The following GATAD2A variants were observed in gnomAD, a reference collection of about 807,000 sequenced individuals.
GATAD2A encodes transcriptional repressor p66-alpha.
A neutral mutation model predicts 68.5 loss-of-function variants in GATAD2A; 12 were observed. That is an observed-to-expected ratio of 0.18 (90% confidence interval 0.11 to 0.28). The LOEUF (loss-of-function observed/expected upper bound fraction) is 0.28. Among genes scored for constraint, GATAD2A ranks in the 10% least tolerant of loss-of-function variants. The pLI, the probability that GATAD2A is intolerant of heterozygous loss-of-function variation, is 1.00. For synonymous variants in GATAD2A, 410 were observed against 375.3 expected, an observed-to-expected ratio of 1.09 and a Z score of -1.07; for missense variants, 755 against 868.5, an observed-to-expected ratio of 0.87 and a Z score of 1.64.
At chr19:19,464,941 A>C (rs527307785) in intron 1 of GATAD2A, 3 of 290,040 alleles carry the variant, frequency 1.0e-5, no homozygotes, top group Non-Finnish European at 1.3e-5. Flanking sequence ...GATTCCAGAC[A>C]TTGCAGGTGC....
At chr19:19,420,619 T>G (rs952576554) in intron 1 of GATAD2A, among the ~76,000 whole-genome samples, 4 of 151,566 alleles carry the variant, frequency 2.6e-5, no homozygotes, top group African/African-American at 9.7e-5. Flanking sequence ...GGATTACAGG[T>G]GTGAGCCACC....
chr19:19,441,663 G>T, intron 1 of GATAD2A: 1 of 180,436 alleles, frequency 5.5e-6, no homozygotes, highest in Non-Finnish European at 1.2e-5. Context: ...CCAGGTTCAT[G>T]CCATTCTCCT....
intron 1 of GATAD2A, among the ~76,000 whole-genome samples, chr19:19,413,979 T>C (rs1432701564): frequency 6.6e-6 from 1 of 152,158 alleles, no homozygotes; most frequent in Non-Finnish European, 1.5e-5. Flanking sequence ...CCCCAAACTT[T>C]TGGTCAAGTT....
intron 1 of GATAD2A, chr19:19,440,489 A>G: frequency 4.2e-6 from 1 of 238,198 alleles, no homozygotes; most frequent in Non-Finnish European, 8.6e-6. Context: ...CGATCTCCTC[A>G]CCTCGTGGTC....
intron 1 of GATAD2A, among the ~76,000 whole-genome samples, chr19:19,398,476 C>T (rs1019264089): frequency 6.6e-6 from 1 of 151,478 alleles, no homozygotes; most frequent in African/African-American, 2.4e-5. Flanking sequence ...GCTGGGATTA[C>T]AGGCGTGAGC....
chr19:19,466,483 C>T (rs1202669257), intron 2 of GATAD2A, among the ~76,000 whole-genome samples: 3 of 152,232 alleles, frequency 2.0e-5, no homozygotes, highest in African/African-American at 7.2e-5. Context: ...GGGCCTGTCT[C>T]TCCACGCCTG....
chr19:19,466,974 G>C (rs1323343900), intron 2 of GATAD2A, among the ~76,000 whole-genome samples: 1 of 152,174 alleles, frequency 6.6e-6, no homozygotes, highest in East Asian at 1.9e-4. Context: ...ATGTGCATGG[G>C]GTCCCTTGTG....
rs397859927 is a variant in GATAD2A at position 19,420,005 on chromosome 19, C to CTTTTTTTTT, written c.-7+14001_-7+14009dup. The stretch of plus-strand genomic sequence containing the variant: ...GTGTGACCTTGGGCAACCATCTTGA[C>CTTTTTTTTT]TTTTTTTTTTTTTTTTTTTTTTTGA... On this transcript the variant is annotated intron_variant, in intron 1 of 11. Coordinates refer to ENST00000683918, the MANE Select transcript of GATAD2A (RefSeq NM_001384528.1). Among the ~76,000 whole-genome samples, 10 of 68,712 alleles carry CTTTTTTTTT rather than the reference C, an allele frequency of 1.5e-4. 2 individuals are homozygous for CTTTTTTTTT. Among genetic ancestry groups the CTTTTTTTTT allele is most frequent in the African/African-American group, 6.5e-4 (9 of 13,762 alleles). The allele number at this position is 68,712 out of a possible 152,430, so 45.1% of individuals were successfully genotyped here. A position where few individuals can be genotyped will look rare whatever the true frequency, so the allele number is the denominator to read the frequency against.
chr19:19,462,448 G>A (rs931371502), intron 1 of GATAD2A, among the ~76,000 whole-genome samples: 2 of 152,246 alleles, frequency 1.3e-5, no homozygotes, highest in African/African-American at 2.4e-5. Flanking sequence ...GAGGGGTGCC[G>A]CAGGGCCCCG....
chr19:19,478,160 G>A lies in GATAD2A; in HGVS notation c.269+12546G>A, dbSNP rs2058801631. ...GATACATCAGCAGGACAGGACCCAG[G>A]ATCCCAGCCTCTGTACTACTGTCGA... On this transcript the variant is annotated intron_variant, in intron 2 of 11. Transcript: ENST00000683918. Among the ~76,000 whole-genome samples, 4 of 152,312 alleles carry A rather than the reference G, an allele frequency of 2.6e-5. No individual in the cohort carries two copies. In the South Asian group the frequency reaches 8.3e-4, roughly 32 times the overall value.
chr19:19,473,182 C>T (rs985238392), intron 2 of GATAD2A, among the ~76,000 whole-genome samples: 1 of 152,164 alleles, frequency 6.6e-6, no homozygotes, highest in African/African-American at 2.4e-5. Context: ...CTCTTCCCCA[C>T]CTCCCCTTGT....
chr19:19,430,732 A>G (rs960872214), intron 1 of GATAD2A, among the ~76,000 whole-genome samples: 4 of 151,994 alleles, frequency 2.6e-5, no homozygotes, highest in African/African-American at 4.8e-5. Context: ...GGGTGCCGCA[A>G]CCCCAGCAAC....
In GATAD2A at chr19:19,480,115, A is replaced by G. The variant is rs577028107; in HGVS notation, c.270-12191A>G. 1.1e-4 allele frequency among the ~76,000 whole-genome samples: 16 copies of G among 151,932 alleles called. No individual in the cohort carries two copies. In the South Asian group the frequency reaches 2.5e-3, roughly 24 times the overall value. ...GCCACCGTGCCTGGCGACACAGCCT[A>G]CTCTTGAGGAATGGGGACTCATGCT... is the stretch of plus-strand genomic sequence containing the variant. On this transcript the variant is annotated intron_variant, in intron 2 of 11. Transcript: ENST00000683918.
intron 1 of GATAD2A, among the ~76,000 whole-genome samples, chr19:19,462,521 C>T (rs1028528444): frequency 2.0e-5 from 3 of 152,212 alleles, no homozygotes; most frequent in Admixed American, 6.5e-5. Context: ...TGAGGCCAGC[C>T]GTCAGTGCCG....
chr19:19,412,533 G>C (rs2051089479), intron 1 of GATAD2A, among the ~76,000 whole-genome samples: 1 of 152,036 alleles, frequency 6.6e-6, no homozygotes, highest in Non-Finnish European at 1.5e-5. Flanking sequence ...TTGCGAGGCT[G>C]AGATGGGAGG....
intron 5 of GATAD2A, among the ~76,000 whole-genome samples, chr19:19,495,194 C>G (rs965720974): frequency 1.3e-5 from 2 of 152,218 alleles, no homozygotes; most frequent in African/African-American, 4.8e-5. Context: ...TGAGGTTTCA[C>G]TGTTACCCAG....
intron 1 of GATAD2A, among the ~76,000 whole-genome samples, chr19:19,409,182 A>G (rs889634036): frequency 3.3e-5 from 5 of 152,176 alleles, no homozygotes; most frequent in Admixed American, 6.5e-5. Context: ...AAGCCTGGGC[A>G]GCTCAGATGC....
intron 1 of GATAD2A, among the ~76,000 whole-genome samples, chr19:19,446,145 C>G (rs1437819484): frequency 1.3e-5 from 2 of 152,238 alleles, no homozygotes; most frequent in African/African-American, 2.4e-5. Context: ...TTACTTTGCA[C>G]TATGCAGTGT....
intron 1 of GATAD2A, among the ~76,000 whole-genome samples, chr19:19,446,612 ATTTTTCTCCTGTGT>A (rs2055755716): frequency 6.6e-6 from 1 of 151,688 alleles, no homozygotes; most frequent in African/African-American, 2.4e-5. Context: ...AAGTCATGAC[ATTTTTCTCCTGTGT>A]TTTTTCTTCT....
Sources: gnomAD v4.1 joint callset for allele counts (sites outside exome capture counted in the v4.1 genomes callset) on GRCh38, gnomAD v4.1.1 for gene constraint, MANE v1.5 for transcripts, NCBI Gene and HGNC (gene_info 2026-07-23, HGNC 2026-07-21) for gene names.